Variants in RAB10 observed in about 807,000 individuals in gnomAD.
RAB10 encodes the protein ras-related protein Rab-10.
A neutral mutation model predicts 25.7 loss-of-function variants in RAB10; 5 were observed. The ratio of observed to expected loss-of-function variants is 0.19; its 90% CI spans 0.10 to 0.41. The LOEUF (loss-of-function observed/expected upper bound fraction) is 0.41. RAB10 is among the 10% of genes least tolerant of loss of function. The pLI is 1.00. For synonymous variants in RAB10, 89 were observed against 86.4 expected (o/e 1.03, Z -0.16); for missense variants, 103 against 245.8 (o/e 0.42, Z 3.89).
intron 1 of RAB10, among the ~76,000 whole-genome samples, chr2:26,082,336 TA>T (rs1666886300): frequency 6.6e-6 from 1 of 152,082 alleles, no homozygotes; most frequent in South Asian, 2.1e-4. Context: ...TGGGCACATC[TA>T]ATCAGCGACC....
At chr2:26,046,651 A>G (rs565447516) in intron 1 of RAB10, among the ~76,000 whole-genome samples, 1 of 152,294 alleles carries the variant, frequency 6.6e-6, no homozygotes, top group East Asian at 1.9e-4. Flanking sequence ...TCCTAGGCTC[A>G]ATCAGTACTC....
At chr2:26,099,961 TTCCTGGGTCCTG>T (rs1223580238) in intron 2 of RAB10, among the ~76,000 whole-genome samples, 1 of 152,168 alleles carries the variant, frequency 6.6e-6, no homozygotes, top group Non-Finnish European at 1.5e-5. Context: ...AAGTATCCTT[TTCCTGGGTCCTG>T]TCCTGGGTCC....
intron 1 of RAB10, among the ~76,000 whole-genome samples, chr2:26,064,208 A>G (rs1040317637): frequency 2.0e-5 from 3 of 152,208 alleles, no homozygotes; most frequent in East Asian, 1.9e-4. Context: ...ATAAATAATA[A>G]TGAGGTCCAA....
At chr2:26,128,261 A>G (rs1667941701) in intron 5 of RAB10, among the ~76,000 whole-genome samples, 1 of 152,216 alleles carries the variant, frequency 6.6e-6, no homozygotes, top group Admixed American at 6.5e-5. Flanking sequence ...CACTCCTATG[A>G]GAATCTAATG....
intron 2 of RAB10, among the ~76,000 whole-genome samples, chr2:26,106,757 C>T (rs879320367): frequency 1.3e-4 from 20 of 151,490 alleles, no homozygotes; most frequent in Non-Finnish European, 1.8e-4. Context: ...TGGTGGCACA[C>T]GCCTATAGTC....
chr2:26,125,921 T>G (rs1482467567), intron 3 of RAB10, among the ~76,000 whole-genome samples: 1 of 152,200 alleles, frequency 6.6e-6, no homozygotes, highest in Non-Finnish European at 1.5e-5. Context: ...GTGCTTTTGG[T>G]ATCATGTCAA....
intron 2 of RAB10, among the ~76,000 whole-genome samples, chr2:26,103,679 C>T (rs116583990): frequency 0.028 from 4,330 of 152,202 alleles, 198 homozygotes; most frequent in African/African-American, 0.1. Context: ...GTACAACCAT[C>T]GTTACCATTT....
chr2:26,060,271 TTC>T lies in RAB10; in HGVS notation c.127+25538_127+25539del, dbSNP rs771639150. Among the ~76,000 whole-genome samples the T allele has an allele frequency of 6.9e-4, 105 of 152,268 alleles. No individual in the cohort carries two copies. In the Middle Eastern group the frequency reaches 0.017, roughly 25 times the overall value. ...CTCTTTCATTTTGTTCTCACAGTAG[TTC>T]TTTTTTGTTTTTTTGTTTGTTTGTT... On this transcript the variant is annotated intron_variant, in intron 1 of 5. Coordinates refer to ENST00000264710, the MANE Select transcript of RAB10 (RefSeq NM_016131.5).
At chr2:26,121,586 C>G (rs575852099) in intron 3 of RAB10, among the ~76,000 whole-genome samples, 1 of 151,654 alleles carries the variant, frequency 6.6e-6, no homozygotes, top group Non-Finnish European at 1.5e-5. Flanking sequence ...AAATATTGGG[C>G]GGGGGGGAAA....
intron 1 of RAB10, among the ~76,000 whole-genome samples, chr2:26,056,497 C>T (rs1257229542): frequency 6.6e-6 from 1 of 152,102 alleles, no homozygotes; most frequent in African/African-American, 2.4e-5. Context: ...GAGCCTGGCC[C>T]TTTGTTTTAA....
chr2:26,123,505 C>G (rs987931642), intron 3 of RAB10, among the ~76,000 whole-genome samples: 1 of 152,162 alleles, frequency 6.6e-6, no homozygotes, highest in African/African-American at 2.4e-5. Flanking sequence ...CGATGTTGAG[C>G]ATGATTTCAC....
chr2:26,051,646 C>T (rs1574528327), intron 1 of RAB10, among the ~76,000 whole-genome samples: 1 of 150,078 alleles, frequency 6.7e-6, no homozygotes, highest in East Asian at 2.0e-4. Context: ...CCCAGCTACT[C>T]GGGAGGCTGA....
chr2:26,080,168 A>G (rs1233546680), intron 1 of RAB10, among the ~76,000 whole-genome samples: 1 of 152,212 alleles, frequency 6.6e-6, no homozygotes, highest in East Asian at 1.9e-4. Context: ...AAATAATGGT[A>G]GTATTGAATT....
intron 1 of RAB10, among the ~76,000 whole-genome samples, chr2:26,070,450 C>G (rs7596168): frequency 1.3e-5 from 2 of 152,084 alleles, no homozygotes; most frequent in African/African-American, 4.8e-5. Flanking sequence ...TTTTTATTCT[C>G]GGAATTGAGT....
intron 2 of RAB10, among the ~76,000 whole-genome samples, chr2:26,105,365 A>G (rs1283125057): frequency 2.0e-5 from 3 of 152,132 alleles, no homozygotes; most frequent in African/African-American, 4.8e-5. Flanking sequence ...AAGAGAATGC[A>G]GTCGGCTGGG....
At chr2:26,092,292 TG>T (rs1559590801) in intron 1 of RAB10, among the ~76,000 whole-genome samples, 5 of 137,996 alleles carry the variant, frequency 3.6e-5, no homozygotes, top group African/African-American at 1.6e-4. Context: ...TGTGTGTGTG[TG>T]TGTGTGTGTG....
chr2:26,059,210 A>G lies in RAB10; in HGVS notation c.127+24475A>G, dbSNP rs369967816. On this transcript the variant is annotated intron_variant, in intron 1 of 5. Coordinates refer to ENST00000264710, the MANE Select transcript of RAB10 (RefSeq NM_016131.5). ...AATCTGTACTTGATCATTACAGTGG[A>G]CTCTTTATTTAGGAGCCCCAACAAA... Among the ~76,000 whole-genome samples, 55 of 152,190 alleles carry G rather than the reference A, an allele frequency of 3.6e-4. No homozygotes were observed. In the South Asian group the frequency reaches 8.3e-3, roughly 23 times the overall value.
intron 1 of RAB10, among the ~76,000 whole-genome samples, chr2:26,050,671 T>G (rs1666111436): frequency 6.6e-6 from 1 of 152,204 alleles, no homozygotes; most frequent in Non-Finnish European, 1.5e-5. Flanking sequence ...AGGGTTTCAC[T>G]CTGTCACCCA....
chr2:26,042,875 A>G (rs1665921398), intron 1 of RAB10: 1 of 152,154 alleles, frequency 6.6e-6, no homozygotes, highest in African/African-American at 2.4e-5. Flanking sequence ...ATCACTAATA[A>G]TTAGGGAAAT....
Sources: allele counts gnomAD v4.1 joint callset (sites outside exome capture counted in the v4.1 genomes callset), GRCh38; gene constraint gnomAD v4.1.1; transcripts MANE v1.5; gene names NCBI Gene and HGNC (gene_info 2026-07-23, HGNC 2026-07-21).